Variants in SRC observed in about 807,000 individuals in gnomAD.
SRC encodes proto-oncogene tyrosine-protein kinase Src.
In SRC, 13 loss-of-function variants were observed where a neutral mutation model predicts 62.9. The observed-to-expected ratio is 0.21, with a 90% confidence interval of 0.13 to 0.33. The LOEUF is 0.33. Among genes scored for constraint, SRC ranks in the 10% least tolerant of loss-of-function variants. The probability of loss-of-function intolerance (pLI) is 1.00; values close to 1 mark genes in which losing one functional copy is unlikely to be tolerated. For missense variants in SRC, 457 were observed against 737.3 expected (o/e 0.62, Z 4.40); for synonymous variants, 302 against 317.5 (o/e 0.95, Z 0.52).
chr20:37,391,439 T>A (rs1279865925), intron 5 of SRC, among the ~76,000 whole-genome samples: 1 of 152,196 alleles, frequency 6.6e-6, no homozygotes, highest in Non-Finnish European at 1.5e-5. Context: ...TTTCCCCCAC[T>A]GGTAAATGGA....
At chr20:37,353,179 C>T (rs1047010666) in intron 1 of SRC, among the ~76,000 whole-genome samples, 6 of 152,146 alleles carry the variant, frequency 3.9e-5, no homozygotes, top group Non-Finnish European at 8.8e-5. Flanking sequence ...ACAGAACCAC[C>T]GTAATAAACT....
intron 1 of SRC, among the ~76,000 whole-genome samples, chr20:37,362,955 G>A (rs569988955): frequency 5.3e-5 from 8 of 152,266 alleles, no homozygotes; most frequent in Admixed American, 3.3e-4. Flanking sequence ...TAGCTCCCTC[G>A]CCTTTCTCTA....
rs2070780299 is a variant in SRC, at chr20:37,403,753, C to G, written c.*374C>G. On this transcript the variant is annotated 3_prime_UTR_variant, in exon 14 of 14. Coordinates refer to ENST00000373578, the MANE Select transcript of SRC (RefSeq NM_198291.3). This position sits in a 1 kb window ranked among gnomAD's most constrained non-coding sequence, Gnocchi z 7.1. ...CGCTCACTGAACTCCTTCCCCACTT[C>G]TGTGCCACCCCCGGTCTATGTCGAG... The G allele has an allele frequency of 3.2e-6, 1 of 312,330 alleles. No individual in the cohort carries two copies. The highest frequency in any genetic ancestry group is 6.0e-6 in the Non-Finnish European group (1 of 165,366). 19.3% of individuals were successfully genotyped at this position (312,330 alleles called of 1,614,324 possible).
Position 37,360,218 on chromosome 20 carries a change from C to CTTTTTTTTTTTTTTTTTTTTTT in SRC, c.-246-4966_-246-4965insTTTTTTTTTTTTTTTTTTTTTT, listed in dbSNP as rs61476973. 3.8e-5 allele frequency among the ~76,000 whole-genome samples: 4 copies of CTTTTTTTTTTTTTTTTTTTTTT among 105,630 alleles called. 1 individual carries two copies. The highest frequency in any genetic ancestry group is 1.4e-4 in the African/African-American group (3 of 20,946). The allele number at this position is 105,630 out of a possible 152,430, so 69.3% of individuals were successfully genotyped here. On this transcript the variant is annotated intron_variant, in intron 1 of 13. Transcript: ENST00000373578. ...AATTTCTTTCTCTTTCTCTCTCTCT[C>CTTTTTTTTTTTTTTTTTTTTTT]TTTTTTTTTTTTTTTTTTTTGGTGA...
rs545393261 is a variant in SRC, at chr20:37,376,647, G to A, written c.-172-5972G>A. Among the ~76,000 whole-genome samples, 10 of 152,334 alleles carry A rather than the reference G, an allele frequency of 6.6e-5. No homozygotes were observed. In the East Asian group the frequency reaches 1.7e-3, roughly 26 times the overall value. On this transcript the variant is annotated intron_variant, in intron 2 of 13. Coordinates refer to ENST00000373578, the MANE Select transcript of SRC (RefSeq NM_198291.3). The stretch of plus-strand genomic sequence containing the variant: ...GCCTATCAAGTAGCTGGGATTACAG[G>A]CATGCGCCACCATGCCCAGCTAATT...
chr20:37,396,338 C>G lies in SRC; in HGVS notation c.703+27C>G, dbSNP rs201444744. 1.2e-6 allele frequency: 2 copies of G among 1,603,866 alleles called. No homozygotes were observed. The highest frequency in any genetic ancestry group is 1.7e-6 in the Non-Finnish European group (2 of 1,175,574). ...TGAGCCAGCCTCGGAGGGCGGAGGG[C>G]GGGCGGGCAAAGCCTCAGCTGCAGA... On this transcript the variant is annotated intron_variant, in intron 8 of 13. Coordinates refer to ENST00000373578, the MANE Select transcript of SRC (RefSeq NM_198291.3). The surrounding 1 kb of genome is among the most constrained non-coding windows in gnomAD (Gnocchi z 6.1).
At chr20:37,401,767 C>G in intron 11 of SRC, 89 bp downstream of exon 11, 1 of 923,090 alleles carries the variant, frequency 1.1e-6, no homozygotes, top group Non-Finnish European at 1.6e-6. Context: ...CTTGAGTGCC[C>G]CCTCCAAGAA....
Position 37,393,984 on chromosome 20 carries a change from A to C in SRC, c.440A>C (p.Gln147Pro). The C allele has an allele frequency of 6.2e-7, 1 of 1,613,904 alleles. No homozygotes were observed. The highest frequency in any genetic ancestry group is 8.5e-7 in the Non-Finnish European group (1 of 1,179,888). Reference protein sequence around the residue: ...SNYVAPSDSIQAEEWYFGKIT... With the variant: ...SNYVAPSDSIPAEEWYFGKIT... ...TACGTGGCGCCCTCCGACTCCATCC[A>C]GGCTGAGGAGTGAGTACCGTCTCTG... The change falls in exon 6 of 14, where the codon CAG (glutamine) becomes CCG (proline). Residue 147 changes from glutamine (Q) to proline (P), a missense_variant. Physicochemically the swap from Gln to Pro is moderately conservative, Grantham distance 76 (BLOSUM62 -1). Transcript: ENST00000373578.
intron 6 of SRC, 60 bp from the exon 7 acceptor site, chr20:37,394,114 G>A: frequency 6.4e-7 from 1 of 1,572,698 alleles, no homozygotes; most frequent in Non-Finnish European, 8.7e-7. Context: ...CCAGGGAGAA[G>A]CACTGTGAGT....
rs2070789672 is a variant in SRC at position 37,404,278 on chromosome 20, G to A, written c.*899G>A. 8.6e-6 allele frequency: 2 copies of A among 233,662 alleles called. No individual in the cohort carries two copies. Among genetic ancestry groups the A allele is most frequent in the South Asian group, 3.6e-4 (2 of 5,532 alleles). The allele number at this position is 233,662 out of a possible 1,614,324, so 14.5% of individuals were successfully genotyped here. A position where few individuals can be genotyped will look rare whatever the true frequency, so the allele number is the denominator to read the frequency against. On this transcript the variant is annotated 3_prime_UTR_variant, in exon 14 of 14. Transcript: ENST00000373578. Reference sequence around the variant, plus strand: ...CAGCCCAGCTGTTGGGAACAGCATGGAGGCAGATGTGGGGCTGAGCTGGGG... The same window carrying A: ...CAGCCCAGCTGTTGGGAACAGCATGAAGGCAGATGTGGGGCTGAGCTGGGG...
At chr20:37,363,396 C>T (rs1007240719) in intron 1 of SRC, among the ~76,000 whole-genome samples, 2 of 152,184 alleles carry the variant, frequency 1.3e-5, no homozygotes, top group African/African-American at 2.4e-5. Context: ...CACCCTGGTC[C>T]GCCTGCGCCT....
In SRC at chr20:37,384,455, A is replaced by G; in HGVS notation, c.250+52A>G. 1 of 1,199,718 alleles carries G rather than the reference A, an allele frequency of 8.3e-7. No homozygotes were observed. The highest frequency in any genetic ancestry group is 2.6e-5 in the South Asian group (1 of 39,076). 74.3% of individuals were successfully genotyped at this position (1,199,718 alleles called of 1,614,324 possible). ...TCGCCCACCTGGGGCCACGGCGGGG[A>G]GGCGGCGGGGCTGTGTGCCCGGGGT... On this transcript the variant is annotated intron_variant, in intron 4 of 13. Transcript: ENST00000373578. The surrounding 1 kb of genome is among the most constrained non-coding windows in gnomAD (Gnocchi z 6.7).
rs768153592 is a variant in SRC at position 37,403,318 on chromosome 20, C to G, written c.1550C>G (p.Ala517Gly). The G allele has an allele frequency of 5.6e-6, 9 of 1,606,582 alleles. No individual in the cohort carries two copies. In the East Asian group the frequency reaches 1.8e-4, roughly 32 times the overall value. ...EERPTFEYLQ[A>G]FLEDYFTSTE... ...CGGCCCACCTTCGAGTACCTGCAGG[C>G]CTTCCTGGAGGACTACTTCACGTCC... is the stretch of plus-strand genomic sequence containing the variant. The change falls in exon 14 of 14, where the codon GCC becomes GGC. Residue 517 changes from alanine to glycine, a missense_variant. Physicochemically the swap from Ala to Gly is moderately conservative, Grantham distance 60. This residue lies in a region of SRC where 168 missense variants were observed against 357.8 expected (regional missense o/e 0.47). Coordinates refer to ENST00000373578, the MANE Select transcript of SRC (RefSeq NM_198291.3). The surrounding 1 kb of genome is among the most constrained non-coding windows in gnomAD (Gnocchi z 7.1).
chr20:37,375,362 G>T (rs745316159), intron 2 of SRC, among the ~76,000 whole-genome samples: 2 of 152,054 alleles, frequency 1.3e-5, no homozygotes, highest in Non-Finnish European at 2.9e-5. Flanking sequence ...CTCCTGCGTA[G>T]CTGGGTCTAC....
chr20:37,389,200 G>C (rs1445639479), intron 5 of SRC, among the ~76,000 whole-genome samples: 1 of 152,138 alleles, frequency 6.6e-6, no homozygotes, highest in African/African-American at 2.4e-5. Flanking sequence ...GCCCTCTGGG[G>C]CTGAGGTCTG....
At chr20:37,362,882 G>A (rs547272136) in intron 1 of SRC, among the ~76,000 whole-genome samples, 2 of 152,300 alleles carry the variant, frequency 1.3e-5, no homozygotes, top group South Asian at 4.1e-4. Flanking sequence ...CGCCACCCTG[G>A]TGTGCCAGTC....
At chr20:37,358,833 C>T (rs768734677) in intron 1 of SRC, among the ~76,000 whole-genome samples, 16 of 152,258 alleles carry the variant, frequency 1.1e-4, no homozygotes, top group African/African-American at 2.9e-4. Context: ...CGGTGTCCGC[C>T]CCGGCCTGCC....
intron 2 of SRC, among the ~76,000 whole-genome samples, chr20:37,376,084 G>C (rs1442562548): frequency 1.3e-5 from 2 of 152,214 alleles, no homozygotes; most frequent in East Asian, 3.8e-4. Flanking sequence ...AATCTGGGGT[G>C]GGGGATGCAC....
At chr20:37,345,145 C>CT (rs1286819915), upstream of SRC, among the ~76,000 whole-genome samples, 1 of 152,252 alleles carries the variant, frequency 6.6e-6, no homozygotes, top group South Asian at 2.1e-4. Context: ...AATGGGAGAA[C>CT]TTTCAAAGAA....
Sources: allele counts gnomAD v4.1 joint callset (sites outside exome capture counted in the v4.1 genomes callset), GRCh38; gene constraint gnomAD v4.1.1; regional missense constraint gnomAD v4.1.1; non-coding constraint Gnocchi (gnomAD v3.1); transcripts MANE v1.5; gene names NCBI Gene and HGNC (gene_info 2026-07-23, HGNC 2026-07-21).